The following USP47 variants were observed in gnomAD, a reference collection of about 807,000 sequenced individuals.
The protein encoded by USP47 is ubiquitin specific peptidase 47.
A neutral mutation model predicts 165.1 loss-of-function variants in USP47; 35 were observed. That is an observed-to-expected ratio of 0.21 (90% CI 0.16 to 0.28). USP47 has a LOEUF of 0.28. Among genes scored for constraint, USP47 ranks in the 10% least tolerant of loss-of-function variants. The pLI, the probability that USP47 is intolerant of heterozygous loss-of-function variation, is 1.00. For synonymous variants in USP47, 531 were observed against 544.5 expected (o/e 0.98, Z 0.35); for missense variants, 1,277 against 1,607.4 (o/e 0.79, Z 3.52).
At chr11:11,881,819 G>T (rs535801124) in intron 2 of USP47, among the ~76,000 whole-genome samples, 1 of 151,962 alleles carries the variant, frequency 6.6e-6, no homozygotes, top group South Asian at 2.1e-4. Flanking sequence ...CATTCATGAG[G>T]GCTCCATCCT....
At chr11:11,868,790 G>A (rs1032778570) in intron 1 of USP47, among the ~76,000 whole-genome samples, 1 of 151,084 alleles carries the variant, frequency 6.6e-6, no homozygotes, top group African/African-American at 2.4e-5. Context: ...AGTATTTGAT[G>A]TTGCTATTTT....
At chr11:11,941,961 C>G (rs554686809) in intron 19 of USP47, among the ~76,000 whole-genome samples, 2 of 152,104 alleles carry the variant, frequency 1.3e-5, no homozygotes, top group South Asian at 2.1e-4. Flanking sequence ...GTCTGTAGTT[C>G]AGGCTAAACT....
intron 7 of USP47, among the ~76,000 whole-genome samples, chr11:11,904,699 G>A (rs1247701363): frequency 6.6e-6 from 1 of 152,108 alleles, no homozygotes; most frequent in Non-Finnish European, 1.5e-5. Flanking sequence ...TACCGCCTTT[G>A]AGTCAGAAAA....
intron 5 of USP47, among the ~76,000 whole-genome samples, chr11:11,898,500 G>A (rs1851988442): frequency 6.6e-6 from 1 of 151,918 alleles, no homozygotes; most frequent in Non-Finnish European, 1.5e-5. Flanking sequence ...CTGTCAGCTT[G>A]TTATCTGAAC....
intron 1 of USP47, among the ~76,000 whole-genome samples, chr11:11,876,545 C>T (rs1232298394): frequency 6.6e-6 from 1 of 152,186 alleles, no homozygotes; most frequent in Non-Finnish European, 1.5e-5. Context: ...GGGGCCAGGG[C>T]TCACCAGCTA....
At chr11:11,862,572 A>G (rs1849445330) in intron 1 of USP47, among the ~76,000 whole-genome samples, 1 of 152,234 alleles carries the variant, frequency 6.6e-6, no homozygotes, top group African/African-American at 2.4e-5. Context: ...AAAAACTGAT[A>G]TAAATCCTAG....
chr11:11,847,730 A>G (rs1026944049), intron 1 of USP47, among the ~76,000 whole-genome samples: 8 of 152,150 alleles, frequency 5.3e-5, no homozygotes, highest in African/African-American at 1.7e-4. Flanking sequence ...TAGCCTTTCT[A>G]ATTGGTCAGT....
chr11:11,938,342 A>G lies in USP47; in HGVS notation c.2163A>G (p.Thr721=). 1.9e-6 allele frequency: 3 copies of G among 1,612,014 alleles called. No homozygotes were observed. Among genetic ancestry groups the G allele is most frequent in the Non-Finnish European group, 2.5e-6 (3 of 1,178,734 alleles). Residue 721 remains threonine (T), a synonymous_variant, in exon 18 of 28, where the codon ACA becomes ACG. Coordinates refer to ENST00000527733, the MANE Select transcript of USP47 (RefSeq NM_001282659.2). ...CTGTTCGTGCTTACTTAAATCAGAC[A>G]GTTACAGAATTCAAACAACTGATTT... ...PITVRAYLNQ[T]VTEFKQLISK...
At chr11:11,951,648 A>G (rs1284966498) in intron 24 of USP47, 1 of 152,202 alleles carries the variant, frequency 6.6e-6, no homozygotes, top group African/African-American at 2.4e-5. Flanking sequence ...TTACAAGATT[A>G]TCCTAGTTTT....
At chr11:11,878,107 A>G (rs1850595380) in intron 1 of USP47, among the ~76,000 whole-genome samples, 1 of 152,044 alleles carries the variant, frequency 6.6e-6, no homozygotes, top group Non-Finnish European at 1.5e-5. Context: ...ATTGAGGGAT[A>G]ATTTTCCCAC....
At chr11:11,873,958 T>C in intron 1 of USP47, 1 of 632,080 alleles carries the variant, frequency 1.6e-6, no homozygotes, top group Admixed American at 4.1e-5. Flanking sequence ...TTAAGTTTTA[T>C]GCTTGTTTGG....
At chr11:11,953,689 C>T (rs975552998) in intron 25 of USP47, among the ~76,000 whole-genome samples, 21 of 151,938 alleles carry the variant, frequency 1.4e-4, no homozygotes, top group African/African-American at 2.4e-4. Context: ...AAGAAAAAGA[C>T]GGAACAAATC....
At chr11:11,869,845 A>G (rs573762129) in intron 1 of USP47, among the ~76,000 whole-genome samples, 1 of 152,042 alleles carries the variant, frequency 6.6e-6, no homozygotes, top group East Asian at 1.9e-4. Context: ...CCTCTCTTTC[A>G]CCCTCTTTTT....
At chr11:11,902,887 G>T (rs61870727) in intron 6 of USP47, 27 bp downstream of exon 6, 37,526 of 1,515,340 alleles carry the variant, frequency 0.025, 575 homozygotes, top group Middle Eastern at 0.041. Flanking sequence ...AATGATAAGC[G>T]TTCTAATATT....
At chr11:11,856,504 G>T (rs138643097) in intron 1 of USP47, 121 of 151,960 alleles carry the variant, frequency 8.0e-4, no homozygotes, top group African/African-American at 2.8e-3. Flanking sequence ...AGTCTTTTTG[G>T]TGGGATATCC....
rs1847262616 is a variant in USP47 at position 11,957,598 on chromosome 11, T to C, written c.*1423T>C. The C allele has an allele frequency of 6.6e-6, 1 of 152,664 alleles. No individual in the cohort carries two copies. Among genetic ancestry groups the C allele is most frequent in the Non-Finnish European group, 1.5e-5 (1 of 68,038 alleles). The allele number at this position is 152,664 out of a possible 1,614,324, so 9.5% of individuals were successfully genotyped here. A position where few individuals can be genotyped will look rare whatever the true frequency, so the allele number is the denominator to read the frequency against. ...ATTTGTCATCTTTAAATATGACATT[T>C]TGTAATGTGTATTGGATATCTCATT... On this transcript the variant is annotated 3_prime_UTR_variant, in exon 28 of 28. Coordinates refer to ENST00000527733, the MANE Select transcript of USP47 (RefSeq NM_001282659.2).
chr11:11,884,748 C>A (rs1442257635), intron 3 of USP47, 168 bp downstream of exon 3: 11 of 530,582 alleles, frequency 2.1e-5, no homozygotes, highest in Non-Finnish European at 3.3e-5. Context: ...AACATAGTTA[C>A]ACTGGACATC....
rs963863516 is a variant in USP47 at position 11,957,329 on chromosome 11, T to C, written c.*1154T>C. On this transcript the variant is annotated 3_prime_UTR_variant, in exon 28 of 28. Transcript: ENST00000527733. Reference sequence around the variant, plus strand: ...GACTGATGCAGTCAACATGATTTCATTGCAGAGTTTATTAGTATCAGCAAG... The same window carrying C: ...GACTGATGCAGTCAACATGATTTCACTGCAGAGTTTATTAGTATCAGCAAG... 6.6e-6 allele frequency: 1 copy of C among 152,596 alleles called. No individual in the cohort carries two copies. Among genetic ancestry groups the C allele is most frequent in the East Asian group, 1.9e-4 (1 of 5,200 alleles). The allele number at this position is 152,596 out of a possible 1,614,324, so 9.5% of individuals were successfully genotyped here.
At chr11:11,892,322 C>T (rs901672309) in intron 4 of USP47, among the ~76,000 whole-genome samples, 9 of 151,506 alleles carry the variant, frequency 5.9e-5, no homozygotes, top group Non-Finnish European at 1.0e-4. Context: ...TTAATAATAA[C>T]GTAAACATTA....
Sources: gnomAD v4.1 joint callset for allele counts (sites outside exome capture counted in the v4.1 genomes callset) on GRCh38, gnomAD v4.1.1 for gene constraint, MANE v1.5 for transcripts, NCBI Gene and HGNC (gene_info 2026-07-23, HGNC 2026-07-21) for gene names.